The following TUBB6 variants were observed in gnomAD, a reference collection of about 807,000 sequenced individuals.
The protein encoded by TUBB6 is tubulin beta 6 class V.
In TUBB6, 18 loss-of-function variants were observed where a neutral mutation model predicts 32.3. That is an observed-to-expected ratio of 0.56 (90% CI 0.39 to 0.83). The LOEUF (loss-of-function observed/expected upper bound fraction) is 0.83, where lower values mean the gene tolerates loss of function less well. TUBB6 is among the 40% of genes least tolerant of loss of function. The probability of loss-of-function intolerance (pLI) is 0.00; values close to 1 mark genes in which losing one functional copy is unlikely to be tolerated. For missense variants in TUBB6, 480 were observed against 632.0 expected (o/e 0.76, Z 2.58); for synonymous variants, 280 against 265.8 (o/e 1.05, Z -0.52).
At chr18:12,315,095 T>C (rs1019755979) in intron 3 of TUBB6, among the ~76,000 whole-genome samples, 6 of 152,350 alleles carry the variant, frequency 3.9e-5, no homozygotes, top group African/African-American at 1.4e-4. Flanking sequence ...CACCTTTGTT[T>C]CTTTTTGCTG....
chr18:12,320,502 G>A (rs10459999), intron 3 of TUBB6: 102,446 of 152,046 alleles, frequency 0.67, 36,093 homozygotes, highest in Non-Finnish European at 0.78. Context: ...TTCCTACCCC[G>A]AACTAGTGTT....
intron 3 of TUBB6, chr18:12,324,850 T>C (rs1907185503): frequency 1.4e-6 from 2 of 1,386,450 alleles, no homozygotes; most frequent in Non-Finnish European, 1.9e-6. Context: ...AAAATGTATA[T>C]ACATCTTTAA....
At chr18:12,318,159 T>A (rs1188599045) in intron 3 of TUBB6, among the ~76,000 whole-genome samples, 1 of 151,968 alleles carries the variant, frequency 6.6e-6, no homozygotes, top group Non-Finnish European at 1.5e-5. Context: ...GGTCTTTCCT[T>A]TGTAAAATGT....
intron 3 of TUBB6, among the ~76,000 whole-genome samples, chr18:12,315,252 G>C (rs1468245165): frequency 2.0e-5 from 3 of 152,008 alleles, no homozygotes; most frequent in African/African-American, 7.3e-5. Flanking sequence ...CTTTATAATG[G>C]CCAATAATCA....
intron 2 of TUBB6, among the ~76,000 whole-genome samples, chr18:12,310,217 C>T (rs1201010451): frequency 2.0e-5 from 3 of 151,770 alleles, no homozygotes; most frequent in African/African-American, 4.8e-5. Flanking sequence ...CGGCCAGGCA[C>T]GGTGGCTCAC....
intron 3 of TUBB6, 107 bp from the exon 4 acceptor site, chr18:12,324,960 C>CT: frequency 6.6e-7 from 1 of 1,507,002 alleles, no homozygotes; most frequent in Non-Finnish European, 8.9e-7. Context: ...CTCCCTTTGG[C>CT]TAACAGCACA....
At chr18:12,309,662 G>C in intron 2 of TUBB6, among the ~76,000 whole-genome samples, 1 of 152,142 alleles carries the variant, frequency 6.6e-6, no homozygotes, top group Non-Finnish European at 1.5e-5. Flanking sequence ...AGTATACACT[G>C]CACTTCATGT....
At chr18:12,319,331 G>A (rs994520134) in intron 3 of TUBB6, among the ~76,000 whole-genome samples, 2 of 151,948 alleles carry the variant, frequency 1.3e-5, no homozygotes, top group African/African-American at 4.8e-5. Flanking sequence ...TTTTAGTAGA[G>A]ATGGGGTTTC....
At chr18:12,324,872 A>T in intron 3 of TUBB6, 195 bp from the exon 4 acceptor site, 1 of 1,399,490 alleles carries the variant, frequency 7.1e-7, no homozygotes, top group Admixed American at 3.0e-5. Flanking sequence ...ATTGACCAGT[A>T]GCTACTTTGA....
chr18:12,321,055 A>G (rs751539323), intron 3 of TUBB6, among the ~76,000 whole-genome samples: 13 of 152,102 alleles, frequency 8.5e-5, no homozygotes, highest in Non-Finnish European at 1.6e-4. Context: ...CCCTTATGAG[A>G]AGGGTTTAGC....
chr18:12,308,697 T>A lies in TUBB6; in HGVS notation c.68T>A (p.Val23Glu), dbSNP rs1459699898. The change falls in exon 2 of 4, where the codon GTG becomes GAG. Residue 23 changes from valine (V) to glutamate (E), a missense_variant. Physicochemically the swap from Val to Glu is moderately radical, Grantham distance 121. Coordinates refer to ENST00000317702, the MANE Select transcript of TUBB6 (RefSeq NM_032525.3). ...GNQIGTKFWE[V>E]ISDEHGIDPA... ...CTTGCCCTGCCCAAGTTTTGGGAAG[T>A]GATCAGCGATGAGCACGGCATCGAC... 6.2e-7 allele frequency: 1 copy of A among 1,610,328 alleles called. No homozygotes were observed. The highest frequency in any genetic ancestry group is 2.2e-5 in the East Asian group (1 of 44,730).
downstream of TUBB6, among the ~76,000 whole-genome samples, chr18:12,328,264 C>G (rs1322542771): frequency 2.6e-5 from 4 of 152,150 alleles, no homozygotes; most frequent in African/African-American, 9.7e-5. Flanking sequence ...GCCACTGTTC[C>G]GACAACATCA....
intron 3 of TUBB6, among the ~76,000 whole-genome samples, chr18:12,316,830 T>C (rs1481698998): frequency 6.6e-6 from 1 of 152,182 alleles, no homozygotes; most frequent in African/African-American, 2.4e-5. Flanking sequence ...CATTTCCAAA[T>C]AGAGTTTGAA....
intron 3 of TUBB6, among the ~76,000 whole-genome samples, chr18:12,323,692 C>G (rs865780825): frequency 1.8e-4 from 28 of 151,998 alleles, no homozygotes; most frequent in African/African-American, 6.3e-4. Context: ...CCTGTAGTCA[C>G]AGCTACTTGG....
chr18:12,329,261 C>A, downstream of TUBB6: 1 of 700,936 alleles, frequency 1.4e-6, no homozygotes, highest in East Asian at 2.7e-5. Context: ...CACGGTCAGC[C>A]GACCCCACTT....
intron 3 of TUBB6, among the ~76,000 whole-genome samples, chr18:12,318,974 G>A (rs531884013): frequency 6.6e-6 from 1 of 152,232 alleles, no homozygotes; most frequent in Non-Finnish European, 1.5e-5. Context: ...CAAAGTGCTT[G>A]TACATGGTTT....
Position 12,308,411 on chromosome 18 carries a change from C to T in TUBB6, c.57+62C>T, listed in dbSNP as rs1280290133. 1.9e-5 allele frequency: 23 copies of T among 1,236,752 alleles called. No homozygotes were observed. The East Asian group carries it at 5.1e-4, about 28-fold the overall frequency. 76.6% of individuals were successfully genotyped at this position (1,236,752 alleles called of 1,614,324 possible). A position where few individuals can be genotyped will look rare whatever the true frequency, so the allele number is the denominator to read the frequency against. On this transcript the variant is annotated intron_variant, in intron 1 of 3. Transcript: ENST00000317702. ...GGCTGCTGGCGGGCCCCGGGTCTCC[C>T]GGCGCGACCCCCGCCGGGGCGCGCA...
Position 12,325,383 on chromosome 18 carries a change from G to C in TUBB6, c.594G>C (p.Glu198Asp). 1 of 1,614,208 alleles carries C rather than the reference G, an allele frequency of 6.2e-7. No individual in the cohort carries two copies. Among genetic ancestry groups the C allele is most frequent in the Non-Finnish European group, 8.5e-7 (1 of 1,180,032 alleles). Residue 198 changes from glutamate (E) to aspartate (D), a missense_variant, in exon 4 of 4, where the codon GAG (glutamate) becomes GAC (aspartate). Physicochemically the swap from Glu to Asp is conservative, Grantham distance 45. Coordinates refer to ENST00000317702, the MANE Select transcript of TUBB6 (RefSeq NM_032525.3). ...SVHQLVENTD[E>D]TYCIDNEALY... is the part of the protein sequence containing the mutation. ...ACCAGCTGGTGGAGAATACAGACGAGACCTACTGCATCGACAACGAGGCGC... is the reference window on the plus strand; with the variant it reads ...ACCAGCTGGTGGAGAATACAGACGACACCTACTGCATCGACAACGAGGCGC...
downstream of TUBB6, among the ~76,000 whole-genome samples, chr18:12,328,087 AG>A (rs1307698287): frequency 1.3e-5 from 2 of 152,244 alleles, no homozygotes; most frequent in African/African-American, 4.8e-5. Context: ...AAGGTCCAGC[AG>A]GGGGCGCCTG....
Sources: gnomAD v4.1 joint callset for allele counts (sites outside exome capture counted in the v4.1 genomes callset) on GRCh38, gnomAD v4.1.1 for gene constraint, MANE v1.5 for transcripts, NCBI Gene and HGNC (gene_info 2026-07-23, HGNC 2026-07-21) for gene names.